Variants in KALRN observed in about 807,000 individuals in gnomAD.
KALRN encodes the protein kalirin.
In KALRN, 70 loss-of-function variants were observed where a neutral mutation model predicts 353.7. The ratio of observed to expected loss-of-function variants is 0.20; its 90% CI spans 0.16 to 0.24. The LOEUF (loss-of-function observed/expected upper bound fraction) is 0.24, where lower values mean the gene tolerates loss of function less well. Ranked by LOEUF, KALRN falls within the 10% of genes least tolerant of loss-of-function variation. The pLI is 1.00. For synonymous variants in KALRN, 1,391 were observed against 1,434.8 expected (o/e 0.97, Z 0.69); for missense variants, 2,791 against 3,756.7 (o/e 0.74, Z 6.72).
chr3:124,500,535 G>C (rs778759292), intron 33 of KALRN, among the ~76,000 whole-genome samples: 1 of 152,212 alleles, frequency 6.6e-6, no homozygotes, highest in Non-Finnish European at 1.5e-5. Flanking sequence ...GTTTTCTTAA[G>C]CTGTAAATCC....
intron 6 of KALRN, among the ~76,000 whole-genome samples, chr3:124,320,288 A>G (rs147196762): frequency 3.2e-4 from 48 of 152,244 alleles, no homozygotes; most frequent in Non-Finnish European, 6.2e-4. Flanking sequence ...TGGTGGTTAT[A>G]CCTTGCCTCC....
intron 13 of KALRN, among the ~76,000 whole-genome samples, chr3:124,412,194 C>T (rs1168394548): frequency 6.6e-6 from 1 of 152,212 alleles, no homozygotes; most frequent in Admixed American, 6.5e-5. Context: ...GCACCGCTCC[C>T]ACTTGCTTCA....
intron 15 of KALRN, among the ~76,000 whole-genome samples, chr3:124,426,731 C>T (rs1440660868): frequency 6.6e-6 from 1 of 152,106 alleles, no homozygotes; most frequent in African/African-American, 2.4e-5. Context: ...ATCCCTGAAC[C>T]ACTCAATGCC....
At chr3:124,087,170 A>G (rs1379345184) in intron 1 of KALRN, among the ~76,000 whole-genome samples, 1 of 152,130 alleles carries the variant, frequency 6.6e-6, no homozygotes, top group Non-Finnish European at 1.5e-5. Context: ...CAAATAATAA[A>G]TTTTCTAGCA....
At chr3:124,491,501 G>C in intron 31 of KALRN, 77 bp downstream of exon 31, 1 of 1,063,678 alleles carries the variant, frequency 9.4e-7, no homozygotes, top group Non-Finnish European at 1.3e-6. Context: ...ACACCTCAAA[G>C]CTAAGGCCCA....
chr3:124,329,853 C>T lies in KALRN; in HGVS notation c.1285-8C>T. The T allele has an allele frequency of 6.2e-7, 1 of 1,612,532 alleles. No homozygotes were observed. Among genetic ancestry groups the T allele is most frequent in the Non-Finnish European group, 8.5e-7 (1 of 1,179,138 alleles). On this transcript the variant is annotated splice_region_variant and splice_polypyrimidine_tract_variant and intron_variant, in intron 7 of 59. Coordinates refer to ENST00000682506, the MANE Select transcript of KALRN (RefSeq NM_001388419.1). ...TCCCCCACTGATCCACCCTGCATCT[C>T]CTTCCAGTTCCTGTCGGGAGTGGAT...
chr3:124,129,846 T>C (rs2065088039), intron 1 of KALRN, among the ~76,000 whole-genome samples: 1 of 152,126 alleles, frequency 6.6e-6, no homozygotes, highest in Admixed American at 6.5e-5. Flanking sequence ...ATTTCATCTG[T>C]GAAAGGGGTT....
chr3:124,472,132 T>C (rs900935885), intron 25 of KALRN, among the ~76,000 whole-genome samples: 6 of 152,306 alleles, frequency 3.9e-5, no homozygotes, highest in East Asian at 1.9e-4. Flanking sequence ...AGTCAGGGTG[T>C]TGCTCTATTG....
chr3:124,539,940 C>G (rs2068863415), intron 33 of KALRN, among the ~76,000 whole-genome samples: 1 of 149,648 alleles, frequency 6.7e-6, no homozygotes, highest in Non-Finnish European at 1.5e-5. Context: ...GGGACAGGGT[C>G]TCACTGTCAC....
intron 1 of KALRN, among the ~76,000 whole-genome samples, chr3:124,138,482 A>T (rs1020549787): frequency 6.6e-6 from 1 of 152,152 alleles, no homozygotes; most frequent in African/African-American, 2.4e-5. Context: ...TTCACACTCA[A>T]TGGGCAGAGA....
chr3:124,518,228 C>T (rs991319071), intron 33 of KALRN, among the ~76,000 whole-genome samples: 4 of 152,202 alleles, frequency 2.6e-5, no homozygotes, highest in Non-Finnish European at 5.9e-5. Context: ...CCTCTATATC[C>T]TCTTCTACAA....
At chr3:124,247,793 A>G (rs1175448251) in intron 3 of KALRN, among the ~76,000 whole-genome samples, 1 of 152,132 alleles carries the variant, frequency 6.6e-6, no homozygotes, top group Non-Finnish European at 1.5e-5. Context: ...AAAACTATCT[A>G]GGGTTTCTGT....
At chr3:124,285,736 A>T (rs1221905806) in intron 5 of KALRN, among the ~76,000 whole-genome samples, 1 of 152,118 alleles carries the variant, frequency 6.6e-6, no homozygotes, top group Admixed American at 6.5e-5. Flanking sequence ...GGGTTTTGCC[A>T]TGTCGGCCAG....
intron 3 of KALRN, among the ~76,000 whole-genome samples, chr3:124,259,125 C>A (rs2072481882): frequency 6.6e-6 from 1 of 152,176 alleles, no homozygotes; most frequent in Admixed American, 6.5e-5. Flanking sequence ...GTGAAGACTT[C>A]AGGTGAAGTC....
chr3:124,519,979 T>C (rs1200595955), intron 33 of KALRN: 3 of 611,364 alleles, frequency 4.9e-6, no homozygotes, highest in Non-Finnish European at 6.1e-6. Context: ...GCAATGAGCG[T>C]GTGTCCGGCA....
intron 51 of KALRN, among the ~76,000 whole-genome samples, chr3:124,681,345 C>T (rs6771794): frequency 0.084 from 12,750 of 152,184 alleles, 1,113 homozygotes; most frequent in African/African-American, 0.22. Context: ...GCTTTTAGTC[C>T]TTTGCATGGG....
chr3:124,432,049 G>C (rs890126885), intron 16 of KALRN, among the ~76,000 whole-genome samples: 1 of 152,158 alleles, frequency 6.6e-6, no homozygotes, highest in Non-Finnish European at 1.5e-5. Context: ...GTAGCTTTCT[G>C]ACACACTGAA....
chr3:124,375,326 A>G (rs2086442689), intron 10 of KALRN, among the ~76,000 whole-genome samples: 1 of 152,076 alleles, frequency 6.6e-6, no homozygotes. Context: ...TTTGCTGTCT[A>G]TTGTTCCCTC....
chr3:124,175,823 T>A lies in KALRN; in HGVS notation c.74-52167T>A, dbSNP rs979005265. Among the ~76,000 whole-genome samples, 12 of 152,328 alleles carry A rather than the reference T, an allele frequency of 7.9e-5. No individual in the cohort carries two copies. The South Asian group carries it at 2.5e-3, about 32-fold the overall frequency. Reference sequence around the variant, plus strand: ...GATTTCAGCCTCTATTCTCTAGCTGTCCTCTCTTTTAGATTTCAGCCTCTA... The same window carrying A: ...GATTTCAGCCTCTATTCTCTAGCTGACCTCTCTTTTAGATTTCAGCCTCTA... On this transcript the variant is annotated intron_variant, in intron 1 of 59. Coordinates refer to ENST00000682506, the MANE Select transcript of KALRN (RefSeq NM_001388419.1).
Sources: allele counts gnomAD v4.1 joint callset (sites outside exome capture counted in the v4.1 genomes callset), GRCh38; gene constraint gnomAD v4.1.1; transcripts MANE v1.5; gene names NCBI Gene and HGNC (gene_info 2026-07-23, HGNC 2026-07-21).